The following DIPK1A variants were observed in gnomAD, a reference collection of about 807,000 sequenced individuals.
DIPK1A encodes family with sequence similarity 69 member A.
A neutral mutation model predicts 40.8 loss-of-function variants in DIPK1A; 27 were observed. The ratio of observed to expected loss-of-function variants is 0.66; its 90% confidence interval spans 0.49 to 0.91. The LOEUF (loss-of-function observed/expected upper bound fraction) is 0.91, where lower values mean the gene tolerates loss of function less well. Among genes scored for constraint, DIPK1A ranks in the 40% least tolerant of loss-of-function variants. The pLI is 0.00. For synonymous variants in DIPK1A, 166 were observed against 171.3 expected, an observed-to-expected ratio of 0.97 and a Z score of 0.24; for missense variants, 412 against 505.7, an observed-to-expected ratio of 0.81 and a Z score of 1.78.
In DIPK1A at chr1:92,842,292, CAT is replaced by C. The variant is rs1687398120; in HGVS notation, c.*1089_*1090del. On this transcript the variant is annotated 3_prime_UTR_variant, in exon 5 of 5. Transcript: ENST00000370310. Reference sequence around the variant, plus strand: ...AGAGAAAGCTGTCCAGTGATGGTCACATAGATTTTTAACATGTTCCACTTTAG... The same window carrying C: ...AGAGAAAGCTGTCCAGTGATGGTCACAGATTTTTAACATGTTCCACTTTAG... The C allele has an allele frequency of 2.0e-6, 2 of 985,958 alleles. No individual in the cohort carries two copies. The highest frequency in any genetic ancestry group is 2.4e-6 in the Non-Finnish European group (2 of 830,636). 61.1% of individuals were successfully genotyped at this position (985,958 alleles called of 1,614,324 possible). A position where few individuals can be genotyped will look rare whatever the true frequency, so the allele number is the denominator to read the frequency against.
intron 4 of DIPK1A, chr1:92,846,460 T>G (rs552370109): frequency 3.7e-6 from 1 of 269,128 alleles, no homozygotes; most frequent in African/African-American, 2.3e-5. Context: ...CAGCCTCTAA[T>G]AGCCACAATT....
intron 1 of DIPK1A, among the ~76,000 whole-genome samples, chr1:92,881,659 C>G (rs2100785550): frequency 6.6e-6 from 1 of 152,176 alleles, no homozygotes; most frequent in South Asian, 2.1e-4. Flanking sequence ...AAAGAAGTGT[C>G]TAAGTAAAAG....
At chr1:92,836,484 C>T (rs2100685523) in intron 4 of DIPK1A, 1 of 1,192,680 alleles carries the variant, frequency 8.4e-7, no homozygotes, top group South Asian at 1.2e-5. Flanking sequence ...ATTAAAGTAG[C>T]TATCAATTGA....
chr1:92,879,425 T>C lies in DIPK1A; in HGVS notation c.55-2995A>G, dbSNP rs548590669. Among the ~76,000 whole-genome samples the C allele has an allele frequency of 4.9e-4, 74 of 152,358 alleles. 1 individual carries two copies. The highest frequency in any genetic ancestry group is 5.6e-4 in the Non-Finnish European group (38 of 68,022). On this transcript the variant is annotated intron_variant, in intron 1 of 4. Coordinates refer to ENST00000370310, the MANE Select transcript of DIPK1A (RefSeq NM_001006605.5). ...CTACGTTTTTCTACTTCCTCTGGCA[T>C]ATGTTTAAATGGAGAAAAACCCTAT...
At chr1:92,859,571 C>T (rs1176284414) in intron 2 of DIPK1A, among the ~76,000 whole-genome samples, 1 of 152,182 alleles carries the variant, frequency 6.6e-6, no homozygotes, top group East Asian at 1.9e-4. Flanking sequence ...AGGTGCTTGG[C>T]TAGAGCTGTA....
chr1:92,833,257 C>T, intron 4 of DIPK1A: 2 of 757,610 alleles, frequency 2.6e-6, no homozygotes, highest in Non-Finnish European at 2.3e-6. Flanking sequence ...CTTGTGAAAC[C>T]TGGGATTCTA....
At chr1:92,922,372 T>C (rs1050636901) in intron 1 of DIPK1A, among the ~76,000 whole-genome samples, 3 of 151,778 alleles carry the variant, frequency 2.0e-5, no homozygotes, top group African/African-American at 7.3e-5. Flanking sequence ...TCTTATTTAA[T>C]TGAACTTCTG....
At chr1:92,846,910 T>TACACAC (rs1557450405) in intron 4 of DIPK1A, among the ~76,000 whole-genome samples, 2 of 25,176 alleles carry the variant, frequency 7.9e-5, no homozygotes, top group Admixed American at 4.8e-4. Context: ...TATATATACG[T>TACACAC]GTATATATAT....
Position 92,946,484 on chromosome 1 carries a change from A to G in DIPK1A, c.54+14892T>C, listed in dbSNP as rs147774551. Among the ~76,000 whole-genome samples the G allele has an allele frequency of 5.9e-5, 9 of 152,342 alleles. No individual in the cohort carries two copies. The East Asian group carries it at 1.7e-3, about 29-fold the overall frequency. Reference sequence around the variant, plus strand: ...TCAAGAAAGACTGTCAAAAGCGGATAAAATAAGAAACAGTTGTTATTTCTG... The same window carrying G: ...TCAAGAAAGACTGTCAAAAGCGGATGAAATAAGAAACAGTTGTTATTTCTG... On this transcript the variant is annotated intron_variant, in intron 1 of 4. Coordinates refer to ENST00000370310, the MANE Select transcript of DIPK1A (RefSeq NM_001006605.5).
chr1:92,832,950 T>A (rs1686967078), exon 5 of DIPK1A: 3 of 712,524 alleles, frequency 4.2e-6, no homozygotes, highest in Admixed American at 2.0e-5. Flanking sequence ...ACATAGCGTG[T>A]TCCGAACAAA....
At chr1:92,941,624 T>G (rs575956309) in intron 1 of DIPK1A, among the ~76,000 whole-genome samples, 1 of 152,282 alleles carries the variant, frequency 6.6e-6, no homozygotes, top group African/African-American at 2.4e-5. Flanking sequence ...CTTTGTAATA[T>G]CTAAAATGGA....
Position 92,842,567 on chromosome 1 carries a change from G to GTTA in DIPK1A, c.*813_*815dup, listed in dbSNP as rs1356532865. The GTTA allele has an allele frequency of 1.0e-6, 1 of 984,676 alleles. No homozygotes were observed. The highest frequency in any genetic ancestry group is 1.1e-4 in the East Asian group (1 of 8,776). The allele number at this position is 984,676 out of a possible 1,614,324, so 61.0% of individuals were successfully genotyped here. On this transcript the variant is annotated 3_prime_UTR_variant, in exon 5 of 5. Coordinates refer to ENST00000370310, the MANE Select transcript of DIPK1A (RefSeq NM_001006605.5). Reference sequence around the variant, plus strand: ...AGGATATACTGTTTGAAAATGGAAAGTTATTACTAAAAAGTCTGCTATAAT... The same window carrying GTTA: ...AGGATATACTGTTTGAAAATGGAAAGTTATTATTACTAAAAAGTCTGCTATAAT...
intron 1 of DIPK1A, chr1:92,932,060 G>A: frequency 1.9e-6 from 1 of 518,366 alleles, no homozygotes; most frequent in Non-Finnish European, 3.6e-6. Context: ...AAAACTTTCG[G>A]AATTCCAGAA....
chr1:92,843,680 G>T lies in DIPK1A; in HGVS notation c.990C>A (p.His330Gln). 6.4e-7 allele frequency: 1 copy of T among 1,551,714 alleles called. No individual in the cohort carries two copies. The highest frequency in any genetic ancestry group is 8.7e-7 in the Non-Finnish European group (1 of 1,146,996). ...AGACACAGTCCAAATCAGACTCACA[G>T]TGACGATCCTTAATAAGTTCTTTCA... The part of the protein sequence containing the change: ...TNLKELIKDR[H>Q]CESDLDCVYG... Residue 330 changes from histidine (H) to glutamine (Q), a missense_variant, in exon 5 of 5, where the codon CAC becomes CAA. His to Gln is a conservative substitution (Grantham distance 24). Coordinates refer to ENST00000370310, the MANE Select transcript of DIPK1A (RefSeq NM_001006605.5).
intron 1 of DIPK1A, among the ~76,000 whole-genome samples, chr1:92,904,303 G>C (rs1314320390): frequency 2.0e-5 from 3 of 152,118 alleles, no homozygotes; most frequent in Admixed American, 6.5e-5. Context: ...AGCAACACAA[G>C]TACCTAGAAA....
intron 1 of DIPK1A, among the ~76,000 whole-genome samples, chr1:92,942,899 A>C (rs536924335): frequency 1.3e-5 from 2 of 152,308 alleles, no homozygotes; most frequent in African/African-American, 4.8e-5. Flanking sequence ...TCCTGACCTC[A>C]TGATTCGCCC....
chr1:92,902,815 A>G (rs1240134133), intron 1 of DIPK1A, among the ~76,000 whole-genome samples: 1 of 152,042 alleles, frequency 6.6e-6, no homozygotes, highest in Admixed American at 6.6e-5. Context: ...GATTTCTCCA[A>G]TGTACTCCAG....
intron 1 of DIPK1A, among the ~76,000 whole-genome samples, chr1:92,880,425 A>T (rs1648313129): frequency 6.6e-6 from 1 of 152,206 alleles, no homozygotes. Context: ...ACTCTAAAAA[A>T]TAGTAATAGT....
chr1:92,837,072 T>C (rs1687159282), intron 4 of DIPK1A: 1 of 331,236 alleles, frequency 3.0e-6, no homozygotes, highest in South Asian at 2.6e-5. Flanking sequence ...ACCAAGAGCA[T>C]TCTCACTTGA....
Sources: gnomAD v4.1 joint callset for allele counts (sites outside exome capture counted in the v4.1 genomes callset) on GRCh38, gnomAD v4.1.1 for gene constraint, MANE v1.5 for transcripts, NCBI Gene and HGNC (gene_info 2026-07-23, HGNC 2026-07-21) for gene names.